The following OSBPL8 variants were observed in gnomAD, a reference collection of about 807,000 sequenced individuals.
The protein encoded by OSBPL8 is oxysterol binding protein like 8.
A neutral mutation model predicts 125.5 loss-of-function variants in OSBPL8; 59 were observed. The observed-to-expected ratio is 0.47, with a 90% CI of 0.38 to 0.58. OSBPL8 has a LOEUF of 0.58. OSBPL8 is among the 20% of genes least tolerant of loss of function. The pLI, the probability that OSBPL8 is intolerant of heterozygous loss-of-function variation, is 0.00. For synonymous variants in OSBPL8, 330 were observed against 338.9 expected (o/e 0.97, Z 0.29); for missense variants, 758 against 1,047.8 (o/e 0.72, Z 3.82).
intron 1 of OSBPL8, among the ~76,000 whole-genome samples, chr12:76,504,610 C>A (rs1009852569): frequency 6.6e-6 from 1 of 152,178 alleles, no homozygotes; most frequent in African/African-American, 2.4e-5. Flanking sequence ...CTCCATCTTG[C>A]CTTTAGCCTC....
chr12:76,480,703 G>A (rs1877378796), intron 2 of OSBPL8, among the ~76,000 whole-genome samples: 1 of 152,170 alleles, frequency 6.6e-6, no homozygotes, highest in East Asian at 1.9e-4. Context: ...AACTCCTCGG[G>A]TGAGATGCCT....
intron 12 of OSBPL8, among the ~76,000 whole-genome samples, chr12:76,387,761 C>T (rs1228632525): frequency 1.3e-5 from 2 of 152,138 alleles, no homozygotes; most frequent in Non-Finnish European, 2.9e-5. Context: ...AAAGCTTGTG[C>T]TTTTCTGGAG....
chr12:76,474,390 T>TG (rs1565926610), intron 2 of OSBPL8, among the ~76,000 whole-genome samples: 1 of 151,996 alleles, frequency 6.6e-6, no homozygotes, highest in Non-Finnish European at 1.5e-5. Context: ...AAGCTTGGGA[T>TG]GGGGGGATAA....
chr12:76,529,882 G>T (rs1298217627), intron 1 of OSBPL8, among the ~76,000 whole-genome samples: 2 of 152,198 alleles, frequency 1.3e-5, no homozygotes, highest in Non-Finnish European at 2.9e-5. Flanking sequence ...ACATAATGTA[G>T]TCATCACATA....
At chr12:76,425,184 C>A (rs1870003319) in intron 4 of OSBPL8, among the ~76,000 whole-genome samples, 1 of 152,110 alleles carries the variant, frequency 6.6e-6, no homozygotes. Flanking sequence ...GCCAAACTAT[C>A]AATTACATAT....
intron 1 of OSBPL8, among the ~76,000 whole-genome samples, chr12:76,514,640 C>G (rs1003084837): frequency 1.3e-5 from 2 of 152,140 alleles, no homozygotes; most frequent in African/African-American, 2.4e-5. Context: ...TGGGGATGAT[C>G]TTCTTGTATA....
chr12:76,378,350 G>A lies in OSBPL8; in HGVS notation c.1729+102C>T, dbSNP rs1592557862. On this transcript the variant is annotated intron_variant, in intron 16 of 23. Coordinates refer to ENST00000261183, the MANE Select transcript of OSBPL8 (RefSeq NM_020841.5). ...ATCCAAGGATGCTTTCAAACAAAAT[G>A]TAAGTCTGACTCCATCAATCACAAA... 2.1e-5 allele frequency: 16 copies of A among 779,132 alleles called. No homozygotes were observed. In the East Asian group the frequency reaches 3.6e-4, roughly 18 times the overall value. The allele number at this position is 779,132 out of a possible 1,614,324, so 48.3% of individuals were successfully genotyped here.
At chr12:76,467,445 T>A (rs768104034) in intron 2 of OSBPL8, among the ~76,000 whole-genome samples, 1 of 152,222 alleles carries the variant, frequency 6.6e-6, no homozygotes, top group Non-Finnish European at 1.5e-5. Context: ...AATTTCTAGT[T>A]CTAAAATTAT....
At position 76,403,812 on chromosome 12, in the gene OSBPL8, C is replaced by T. The variant is rs183031777; in HGVS notation, c.289-1046G>A. On this transcript the variant is annotated intron_variant, in intron 5 of 23. Transcript: ENST00000261183. Reference sequence around the variant, plus strand: ...CATCAAGGATACACACCTTTGTATACAACTCCCTCAATTTTTAGATTAATA... The same window carrying T: ...CATCAAGGATACACACCTTTGTATATAACTCCCTCAATTTTTAGATTAATA... Among the ~76,000 whole-genome samples the T allele has an allele frequency of 5.9e-4, 90 of 152,214 alleles. 2 individuals are homozygous for T. Among genetic ancestry groups the T allele is most frequent in the African/African-American group, 2.1e-3 (86 of 41,528 alleles).
At chr12:76,527,411 G>A (rs115632171) in intron 1 of OSBPL8, among the ~76,000 whole-genome samples, 1,587 of 152,052 alleles carry the variant, frequency 0.01, 36 homozygotes, top group African/African-American at 0.037. Context: ...AGTTCAAGTA[G>A]GAAACCAAAA....
intron 11 of OSBPL8, 131 bp from the exon 12 acceptor site, chr12:76,389,960 AAAT>A (rs1311400934): frequency 1.3e-5 from 8 of 637,924 alleles, no homozygotes; most frequent in Non-Finnish European, 1.9e-5. Flanking sequence ...TGGAAACAAA[AAAT>A]AATAATAAAA....
intron 1 of OSBPL8, among the ~76,000 whole-genome samples, chr12:76,531,516 G>A (rs1950338005): frequency 6.6e-6 from 1 of 152,176 alleles, no homozygotes; most frequent in South Asian, 2.1e-4. Flanking sequence ...GGAGAATGAG[G>A]AGACAGGAAA....
intron 1 of OSBPL8, among the ~76,000 whole-genome samples, chr12:76,548,816 G>C (rs187381874): frequency 6.6e-6 from 1 of 152,138 alleles, no homozygotes; most frequent in Non-Finnish European, 1.5e-5. Flanking sequence ...CAGGAACCTA[G>C]TCTGTCTTTC....
intron 1 of OSBPL8, among the ~76,000 whole-genome samples, chr12:76,553,310 C>T (rs1331828110): frequency 6.6e-6 from 1 of 152,014 alleles, no homozygotes; most frequent in African/African-American, 2.4e-5. Context: ...GCAAAAATTA[C>T]CTTACTGGTG....
At chr12:76,414,450 G>GA (rs1868369807) in intron 4 of OSBPL8, among the ~76,000 whole-genome samples, 1 of 120,492 alleles carries the variant, frequency 8.3e-6, no homozygotes, top group African/African-American at 3.2e-5. Flanking sequence ...TATTTTTCTG[G>GA]TTTTTTTTTT....
At chr12:76,502,703 G>A (rs947180722) in intron 1 of OSBPL8, among the ~76,000 whole-genome samples, 9 of 152,154 alleles carry the variant, frequency 5.9e-5, no homozygotes, top group African/African-American at 1.7e-4. Context: ...GACTCTTCAG[G>A]AATGAAACTT....
rs1565874301 is a variant in OSBPL8, at chr12:76,410,637, T to C, written c.218-3A>G. 2.5e-6 allele frequency: 4 copies of C among 1,587,078 alleles called. No homozygotes were observed. Among genetic ancestry groups the C allele is most frequent in the South Asian group, 1.1e-5 (1 of 90,236 alleles). On this transcript the variant is annotated splice_region_variant and splice_polypyrimidine_tract_variant and intron_variant, in intron 4 of 23. Transcript: ENST00000261183. ...ATCTTCCTTCCCTCTTTCAAAACCT[T>C]AAAAAAATAGTCAGCATATCAGTAT...
chr12:76,358,629 T>G (rs1370670333), intron 22 of OSBPL8, 77 bp downstream of exon 22: 1 of 1,274,776 alleles, frequency 7.8e-7, no homozygotes, highest in Admixed American at 1.8e-5. Flanking sequence ...TGAGTTAATA[T>G]GAAAAACCAT....
chr12:76,392,381 G>A (rs756174396), intron 10 of OSBPL8, among the ~76,000 whole-genome samples, 200 bp downstream of exon 10: 17 of 151,678 alleles, frequency 1.1e-4, no homozygotes, highest in African/African-American at 2.0e-4. Flanking sequence ...AGTAAATCAC[G>A]TTGGCTGGAA....
Sources: allele counts gnomAD v4.1 joint callset (sites outside exome capture counted in the v4.1 genomes callset), GRCh38; gene constraint gnomAD v4.1.1; transcripts MANE v1.5; gene names NCBI Gene and HGNC (gene_info 2026-07-23, HGNC 2026-07-21).